Variants in AGBL2 observed in about 807,000 individuals in gnomAD.
AGBL2 encodes the protein AGBL carboxypeptidase 2.
In AGBL2, 87 loss-of-function variants were observed where a neutral mutation model predicts 103.0. That is an observed-to-expected ratio of 0.84 (90% CI 0.71 to 1.01). AGBL2 has a LOEUF of 1.01. AGBL2 is among the 50% of genes least tolerant of loss of function. The probability of loss-of-function intolerance (pLI) is 0.00; values close to 1 mark genes in which losing one functional copy is unlikely to be tolerated. For missense variants in AGBL2, 904 were observed against 1,023.5 expected (o/e 0.88, Z 1.59); for synonymous variants, 335 against 356.7 (o/e 0.94, Z 0.69).
intron 4 of AGBL2, among the ~76,000 whole-genome samples, chr11:47,707,226 G>C (rs187006081): frequency 1.3e-5 from 2 of 151,964 alleles, no homozygotes; most frequent in African/African-American, 2.4e-5. Flanking sequence ...GTAAGCAAAC[G>C]TATAAGATAC....
chr11:47,696,527 G>A (rs2097474773), intron 8 of AGBL2, among the ~76,000 whole-genome samples: 1 of 152,128 alleles, frequency 6.6e-6, no homozygotes, highest in South Asian at 2.1e-4. Context: ...GCCTCCTAAA[G>A]TGCTGGGATT....
At chr11:47,686,869 G>A (rs1334459419) in intron 10 of AGBL2, among the ~76,000 whole-genome samples, 1 of 148,216 alleles carries the variant, frequency 6.7e-6, no homozygotes, top group Non-Finnish European at 1.5e-5. Flanking sequence ...TGAGGCAGGA[G>A]AATCACTTGA....
intron 4 of AGBL2, among the ~76,000 whole-genome samples, chr11:47,709,589 CT>C (rs779043314): frequency 0.024 from 3,414 of 143,762 alleles, 35 homozygotes; most frequent in Non-Finnish European, 0.034. Flanking sequence ...CAATGTATTA[CT>C]TTTTTTTTTT....
chr11:47,679,133 T>C (rs1334561193), intron 13 of AGBL2, among the ~76,000 whole-genome samples: 2 of 136,372 alleles, frequency 1.5e-5, no homozygotes, highest in Non-Finnish European at 3.1e-5. Context: ...AGATAATTAG[T>C]GTTGTAGCTG....
intron 14 of AGBL2, among the ~76,000 whole-genome samples, chr11:47,674,310 C>T (rs779635456): frequency 6.6e-6 from 1 of 151,894 alleles, no homozygotes; most frequent in African/African-American, 2.4e-5. Flanking sequence ...GCCTGTAATC[C>T]CAGCACTTTG....
At chr11:47,677,447 T>A in intron 13 of AGBL2, 46 bp from the exon 14 acceptor site, 1 of 1,224,538 alleles carries the variant, frequency 8.2e-7, no homozygotes. Flanking sequence ...CATTTTATTT[T>A]ATTTATTTAT....
chr11:47,691,710 GA>G (rs1225683970), intron 9 of AGBL2, among the ~76,000 whole-genome samples: 1 of 1,330 alleles, frequency 7.5e-4, no homozygotes, highest in African/African-American at 1.2e-3. Context: ...TCCATCTCAA[GA>G]AAAAAAAAAA....
At chr11:47,671,063 C>G (rs1328632562) in intron 14 of AGBL2, among the ~76,000 whole-genome samples, 1 of 152,102 alleles carries the variant, frequency 6.6e-6, no homozygotes, top group Non-Finnish European at 1.5e-5. Context: ...GTGTCCTCCC[C>G]CTTTCTGCAA....
chr11:47,681,915 T>A, intron 12 of AGBL2, 54 bp downstream of exon 12: 1 of 1,589,222 alleles, frequency 6.3e-7, no homozygotes, highest in Non-Finnish European at 8.6e-7. Context: ...TCCCTGATGC[T>A]TTGCTTGGAT....
intron 8 of AGBL2, among the ~76,000 whole-genome samples, chr11:47,697,647 G>A (rs1372989552): frequency 7.1e-6 from 1 of 141,616 alleles, no homozygotes; most frequent in African/African-American, 2.6e-5. Context: ...CCGGGTTCAC[G>A]CCATTCTCCT....
At chr11:47,701,469 CAAAA>C (rs11327584) in intron 7 of AGBL2, among the ~76,000 whole-genome samples, 2 of 94,444 alleles carry the variant, frequency 2.1e-5, no homozygotes, top group Non-Finnish European at 2.0e-5. Context: ...GACTCCGTCT[CAAAA>C]AAAAAAAAAA....
intron 8 of AGBL2, among the ~76,000 whole-genome samples, chr11:47,698,378 G>T (rs183362668): frequency 6.6e-6 from 1 of 151,720 alleles, no homozygotes; most frequent in East Asian, 1.9e-4. Context: ...CTCCATGTTG[G>T]TCAGGCTGGT....
chr11:47,707,435 A>T (rs1035360615), intron 4 of AGBL2, among the ~76,000 whole-genome samples: 1 of 152,306 alleles, frequency 6.6e-6, no homozygotes, highest in East Asian at 1.9e-4. Flanking sequence ...GGAGCAAGTC[A>T]TGTCTTAAAT....
chr11:47,705,730 G>A (rs1324128622), intron 5 of AGBL2, 96 bp from the exon 6 acceptor site: 10 of 722,170 alleles, frequency 1.4e-5, no homozygotes, highest in Non-Finnish European at 2.2e-5. Flanking sequence ...TAAAGGCTGA[G>A]GGTCCTTCAG....
At chr11:47,696,033 A>G (rs2097470571) in intron 8 of AGBL2, among the ~76,000 whole-genome samples, 2 of 8,930 alleles carry the variant, frequency 2.2e-4, no homozygotes, top group Non-Finnish European at 6.6e-4. Context: ...AAAAAAAAAA[A>G]AAAGAAAAAA....
intron 17 of AGBL2, 91 bp from the exon 18 acceptor site, chr11:47,663,203 A>G (rs2097332498): frequency 1.3e-6 from 1 of 784,316 alleles, no homozygotes; most frequent in Non-Finnish European, 2.1e-6. Context: ...TCTTATTCAT[A>G]CATGTTGATT....
chr11:47,666,706 G>A, intron 17 of AGBL2: 1 of 600,926 alleles, frequency 1.7e-6, no homozygotes, highest in East Asian at 2.8e-5. Flanking sequence ...TGGATGGTAA[G>A]TAAGGCAGCC....
chr11:47,707,284 T>G (rs2097523998), intron 4 of AGBL2, among the ~76,000 whole-genome samples: 1 of 152,184 alleles, frequency 6.6e-6, no homozygotes, highest in African/African-American at 2.4e-5. Flanking sequence ...ACTGTTTTAA[T>G]TTTCCCAGCT....
At position 47,675,126 on chromosome 11, in the gene AGBL2, TG is replaced by T. The variant is rs368337100; in HGVS notation, c.2147+2144del. Among the ~76,000 whole-genome samples, 66 of 151,826 alleles carry T rather than the reference TG, an allele frequency of 4.3e-4. No individual in the cohort carries two copies. The East Asian group carries it at 9.9e-3, about 23-fold the overall frequency. Reference sequence around the variant, plus strand: ...TTGCTGGCTCCTCCCCTATTAAAGTTGTATTATCCAGCTCAAACCTCAGACT... The same window carrying T: ...TTGCTGGCTCCTCCCCTATTAAAGTTTATTATCCAGCTCAAACCTCAGACT... On this transcript the variant is annotated intron_variant, in intron 14 of 18. Transcript: ENST00000525123.
Sources: gnomAD v4.1 joint callset for allele counts (sites outside exome capture counted in the v4.1 genomes callset) on GRCh38, gnomAD v4.1.1 for gene constraint, MANE v1.5 for transcripts, NCBI Gene and HGNC (gene_info 2026-07-23, HGNC 2026-07-21) for gene names.